The following PPFIA1 variants were observed in gnomAD, a reference collection of about 807,000 sequenced individuals.
The protein encoded by PPFIA1 is PPFI scaffold protein A1, also known as liprin-alpha-1.
A neutral mutation model predicts 149.9 loss-of-function variants in PPFIA1; 25 were observed. That is an observed-to-expected ratio of 0.17 (90% CI 0.12 to 0.23). The LOEUF is 0.23. Among genes scored for constraint, PPFIA1 ranks in the 10% least tolerant of loss-of-function variants. The pLI, the probability that PPFIA1 is intolerant of heterozygous loss-of-function variation, is 1.00. For missense variants in PPFIA1, 1,362 were observed against 1,506.5 expected (o/e 0.90, Z 1.59); for synonymous variants, 549 against 552.8 (o/e 0.99, Z 0.10).
chr11:70,273,498 T>C (rs1286735602), intron 2 of PPFIA1, among the ~76,000 whole-genome samples: 2 of 152,170 alleles, frequency 1.3e-5, no homozygotes, highest in Non-Finnish European at 2.9e-5. Flanking sequence ...TCATCATAAG[T>C]GCCTTTGGGG....
At chr11:70,324,376 T>A (rs766130649) in intron 2 of PPFIA1, 26 bp from the exon 3 acceptor site, 11 of 1,544,068 alleles carry the variant, frequency 7.1e-6, no homozygotes, top group Non-Finnish European at 9.8e-6. Context: ...TTCTTATTTA[T>A]TTAATTTTGT....
intron 14 of PPFIA1, among the ~76,000 whole-genome samples, chr11:70,340,032 C>T (rs1002833894): frequency 2.0e-5 from 3 of 151,622 alleles, no homozygotes; most frequent in Non-Finnish European, 4.4e-5. Flanking sequence ...AATAAAAAGC[C>T]GAGTGCAGTG....
chr11:70,296,129 C>G (rs2051992544), intron 2 of PPFIA1, among the ~76,000 whole-genome samples: 1 of 151,922 alleles, frequency 6.6e-6, no homozygotes, highest in Non-Finnish European at 1.5e-5. Flanking sequence ...GGGATGGCAG[C>G]CGGGAAGAGG....
At chr11:70,361,971 G>A (rs569277648) in intron 19 of PPFIA1, 124 bp from the exon 20 acceptor site, 19 of 830,878 alleles carry the variant, frequency 2.3e-5, no homozygotes, top group Admixed American at 1.0e-4. Flanking sequence ...GTGTTGTCTA[G>A]GCTGGTCTTG....
chr11:70,348,310 C>T lies in PPFIA1; in HGVS notation c.2053C>T (p.Pro685Ser), dbSNP rs1228593922. 1.2e-6 allele frequency: 2 copies of T among 1,614,182 alleles called. No homozygotes were observed. The highest frequency in any genetic ancestry group is 1.1e-5 in the South Asian group (1 of 91,080). ...ATCAATGAGCTCCATTCCCCCCTAC[C>T]CTGCTTCCTCGCTTGCTAGCTCCTC... Reference protein sequence around the residue: ...FRSMSSIPPYPASSLASSSPP... With the variant: ...FRSMSSIPPYSASSLASSSPP... The change falls in exon 16 of 28, where the codon CCT (proline) becomes TCT (serine). Residue 685 changes from proline to serine, a missense_variant. By Grantham distance (74) the Pro-to-Ser change is moderately conservative. Coordinates refer to ENST00000253925, the MANE Select transcript of PPFIA1 (RefSeq NM_003626.5).
chr11:70,359,856 C>T (rs574180699), intron 19 of PPFIA1, among the ~76,000 whole-genome samples: 9 of 152,356 alleles, frequency 5.9e-5, no homozygotes, highest in East Asian at 1.9e-4. Context: ...TGTAAATGAA[C>T]GGCCCAGAGG....
At chr11:70,317,573 A>G (rs2053708862) in intron 2 of PPFIA1, among the ~76,000 whole-genome samples, 1 of 152,206 alleles carries the variant, frequency 6.6e-6, no homozygotes. Context: ...TTGGTTTTAG[A>G]GGCAAATCTA....
At chr11:70,361,198 A>G (rs2056624779) in intron 19 of PPFIA1, among the ~76,000 whole-genome samples, 1 of 152,200 alleles carries the variant, frequency 6.6e-6, no homozygotes. Flanking sequence ...GCTGTAGAAG[A>G]TGAAAGGAAA....
intron 2 of PPFIA1, chr11:70,284,112 A>C (rs1171614816): frequency 2.2e-6 from 1 of 457,194 alleles, no homozygotes; most frequent in East Asian, 5.9e-5. Context: ...GGTACTTGCT[A>C]AGCTTAACTT....
At chr11:70,297,590 G>A (rs2052163784) in intron 2 of PPFIA1, among the ~76,000 whole-genome samples, 1 of 152,094 alleles carries the variant, frequency 6.6e-6, no homozygotes. Context: ...ATGAGTAATG[G>A]GTAAAATAAG....
intron 23 of PPFIA1, 80 bp downstream of exon 23, chr11:70,372,654 A>C: frequency 8.4e-7 from 1 of 1,191,830 alleles, no homozygotes; most frequent in Non-Finnish European, 1.2e-6. Context: ...CCTATTTTTC[A>C]AAAAATCAAG....
At position 70,355,695 on chromosome 11, in the gene PPFIA1, A is replaced by G. The variant is rs1349209557; in HGVS notation, c.2372A>G (p.Gln791Arg). Residue 791 changes from glutamine (Q) to arginine (R), a missense_variant, in exon 18 of 28, where the codon CAG (glutamine) becomes CGG (arginine). This residue lies in a region of PPFIA1 where 733 missense variants were observed against 744.1 expected (regional missense o/e 0.99). Coordinates refer to ENST00000253925, the MANE Select transcript of PPFIA1 (RefSeq NM_003626.5). ...AACCCCAGCAGTAGCAACAGTAGCC[A>G]GGACTCGCTCCACAAAGCCCCAAAG... Reference protein sequence around the residue: ...VSNPSSSNSSQDSLHKAPKKK... With the variant: ...VSNPSSSNSSRDSLHKAPKKK... The G allele has an allele frequency of 6.2e-7, 1 of 1,614,142 alleles. No homozygotes were observed. Among genetic ancestry groups the G allele is most frequent in the Non-Finnish European group, 8.5e-7 (1 of 1,180,002 alleles).
In PPFIA1 at chr11:70,377,888, G is replaced by A. The variant is rs1409985845; in HGVS notation, c.3385-142G>A. ...GAAGTTCCAGGTTGGGCAATATATTGTGTGGTCATCAAGAAGGGATTAAAT... is the reference window on the plus strand; with the variant it reads ...GAAGTTCCAGGTTGGGCAATATATTATGTGGTCATCAAGAAGGGATTAAAT... On this transcript the variant is annotated intron_variant, in intron 25 of 27. Coordinates refer to ENST00000253925, the MANE Select transcript of PPFIA1 (RefSeq NM_003626.5). 4.9e-5 allele frequency: 34 copies of A among 698,960 alleles called. No homozygotes were observed. In the East Asian group the frequency reaches 8.8e-4, roughly 18 times the overall value. The allele number at this position is 698,960 out of a possible 1,614,324, so 43.3% of individuals were successfully genotyped here. A position where few individuals can be genotyped will look rare whatever the true frequency, so the allele number is the denominator to read the frequency against.
chr11:70,352,861 C>A (rs975445286), intron 16 of PPFIA1, among the ~76,000 whole-genome samples: 2 of 151,804 alleles, frequency 1.3e-5, no homozygotes, highest in Non-Finnish European at 2.9e-5. Flanking sequence ...CAGCGCTGGC[C>A]AGGCTCACGG....
intron 2 of PPFIA1, among the ~76,000 whole-genome samples, chr11:70,311,054 A>G (rs2053233378): frequency 6.6e-6 from 1 of 152,220 alleles, no homozygotes; most frequent in African/African-American, 2.4e-5. Context: ...TTTGTTAGCA[A>G]AGATAAAGGC....
chr11:70,317,819 C>T (rs1472629868), intron 2 of PPFIA1, among the ~76,000 whole-genome samples: 2 of 152,136 alleles, frequency 1.3e-5, no homozygotes, highest in African/African-American at 4.8e-5. Context: ...AGTGCTCTTC[C>T]TCCACTTCCA....
chr11:70,292,006 T>C (rs2051563777), intron 2 of PPFIA1, among the ~76,000 whole-genome samples: 1 of 151,692 alleles, frequency 6.6e-6, no homozygotes, highest in Non-Finnish European at 1.5e-5. Flanking sequence ...CCTGGCTAAT[T>C]TTTTGTATTT....
In PPFIA1 at chr11:70,308,607, C is replaced by T. The variant is rs556604488; in HGVS notation, c.265-15795C>T. Among the ~76,000 whole-genome samples the T allele has an allele frequency of 5.3e-5, 8 of 152,046 alleles. No homozygotes were observed. In the East Asian group the frequency reaches 5.8e-4, roughly 11 times the overall value. Reference sequence around the variant, plus strand: ...TATTTTCTAGTGTTTTAAATGTATCCGAAACTCTTAAGTGAATATTCTTTT... The same window carrying T: ...TATTTTCTAGTGTTTTAAATGTATCTGAAACTCTTAAGTGAATATTCTTTT... On this transcript the variant is annotated intron_variant, in intron 2 of 27. Transcript: ENST00000253925.
At chr11:70,295,959 C>G (rs1297695598) in intron 2 of PPFIA1, among the ~76,000 whole-genome samples, 10 of 149,180 alleles carry the variant, frequency 6.7e-5, no homozygotes, top group Admixed American at 6.7e-5. Context: ...CTCCTCCCTT[C>G]TCAGATGGGG....
Sources: gnomAD v4.1 joint callset for allele counts (sites outside exome capture counted in the v4.1 genomes callset) on GRCh38, gnomAD v4.1.1 for gene constraint, gnomAD v4.1.1 regional missense constraint, MANE v1.5 for transcripts, NCBI Gene and HGNC (gene_info 2026-07-23, HGNC 2026-07-21) for gene names.